The following CFAP54 variants were observed in gnomAD, a reference collection of about 807,000 sequenced individuals.
The protein encoded by CFAP54 is cilia and flagella associated protein 54, also known as cilia- and flagella-associated protein 54.
In CFAP54, 290 loss-of-function variants were observed where a neutral mutation model predicts 370.4. The ratio of observed to expected loss-of-function variants is 0.78; its 90% CI spans 0.71 to 0.86. The LOEUF is 0.86. Ranked by LOEUF, CFAP54 falls within the 40% of genes least tolerant of loss-of-function variation. The pLI, the probability that CFAP54 is intolerant of heterozygous loss-of-function variation, is 0.00. For missense variants in CFAP54, 3,399 were observed against 3,528.7 expected (o/e 0.96, Z 0.93); for synonymous variants, 1,206 against 1,236.5 (o/e 0.98, Z 0.52).
chr12:96,554,989 G>T, intron 17 of CFAP54, 187 bp downstream of exon 17: 3 of 447,758 alleles, frequency 6.7e-6, no homozygotes, highest in South Asian at 7.2e-5. Context: ...TTTACACTTT[G>T]CATATTAAAT....
intron 26 of CFAP54, among the ~76,000 whole-genome samples, chr12:96,611,937 C>T (rs1016548814): frequency 1.2e-4 from 18 of 152,180 alleles, no homozygotes; most frequent in Admixed American, 8.5e-4. Flanking sequence ...CTGAAAGTGA[C>T]GGGGAGAATG....
In CFAP54 at chr12:96,816,507, T is replaced by C. The variant is rs567526805; in HGVS notation, c.8958-1268T>C. On this transcript the variant is annotated intron_variant, in intron 64 of 67. Coordinates refer to ENST00000524981, the MANE Select transcript of CFAP54 (RefSeq NM_001306084.2). ...TACTATATAAATTCAAATCCTCTTATATGTAATTACATTTTTAACTTTTTA... is the reference window on the plus strand; with the variant it reads ...TACTATATAAATTCAAATCCTCTTACATGTAATTACATTTTTAACTTTTTA... Among the ~76,000 whole-genome samples, 11 of 152,372 alleles carry C rather than the reference T, an allele frequency of 7.2e-5. No individual in the cohort carries two copies. In the South Asian group the frequency reaches 2.3e-3, roughly 32 times the overall value.
At position 96,673,515 on chromosome 12, in the gene CFAP54, G is replaced by T. The variant is rs79197379; in HGVS notation, c.5564-6085G>T. 4.7e-3 allele frequency among the ~76,000 whole-genome samples: 717 copies of T among 152,290 alleles called. 4 individuals are homozygous for T. The highest frequency in any genetic ancestry group is 0.016 in the African/African-American group (680 of 41,558). The stretch of plus-strand genomic sequence containing the variant: ...TCATTAAAAGGTTAGCATCCAACTT[G>T]TAGCTCTCTCTAAGATTTTAGGACC... On this transcript the variant is annotated intron_variant, in intron 39 of 67. Transcript: ENST00000524981.
intron 66 of CFAP54, among the ~76,000 whole-genome samples, chr12:96,860,134 A>ATTTTTTTTTTTTTTT (rs137937553): frequency 7.8e-6 from 1 of 127,990 alleles, no homozygotes; most frequent in African/African-American, 2.9e-5. Context: ...TTGTTCTCTA[A>ATTTTTTTTTTTTTTT]TTTTTTTTTT....
At chr12:96,518,544 G>C (rs937317350) in intron 5 of CFAP54, among the ~76,000 whole-genome samples, 1 of 152,138 alleles carries the variant, frequency 6.6e-6, no homozygotes, top group Non-Finnish European at 1.5e-5. Context: ...AAATTAGCCA[G>C]GTGTGGTGGT....
At chr12:96,642,782 C>T (rs925639774) in intron 32 of CFAP54, among the ~76,000 whole-genome samples, 1 of 152,194 alleles carries the variant, frequency 6.6e-6, no homozygotes, top group African/African-American at 2.4e-5. Flanking sequence ...TTGTGGAGCT[C>T]TGTCTCTGTC....
intron 47 of CFAP54, 126 bp from the exon 48 acceptor site, chr12:96,708,482 A>C: frequency 2.8e-6 from 2 of 712,704 alleles, no homozygotes; most frequent in Non-Finnish European, 4.6e-6. Context: ...TCCCATTTAC[A>C]ATACCCCATG....
At chr12:96,661,904 T>A (rs1956998839) in intron 38 of CFAP54, among the ~76,000 whole-genome samples, 1 of 152,174 alleles carries the variant, frequency 6.6e-6, no homozygotes, top group Non-Finnish European at 1.5e-5. Context: ...CAAACAAGCC[T>A]GTTCTGCTAA....
chr12:96,633,383 A>G (rs893558539), intron 32 of CFAP54, among the ~76,000 whole-genome samples: 4 of 152,244 alleles, frequency 2.6e-5, no homozygotes, highest in Non-Finnish European at 4.4e-5. Flanking sequence ...ATAGCTGTAC[A>G]ACTATAGTAC....
intron 50 of CFAP54, among the ~76,000 whole-genome samples, chr12:96,733,431 GAACA>G (rs940792621): frequency 6.6e-6 from 1 of 151,948 alleles, no homozygotes; most frequent in Non-Finnish European, 1.5e-5. Context: ...GATTTTATGA[GAACA>G]AACTGACCAT....
chr12:96,579,691 A>T (rs1010806282), intron 20 of CFAP54, among the ~76,000 whole-genome samples: 2 of 152,096 alleles, frequency 1.3e-5, no homozygotes, highest in African/African-American at 4.8e-5. Context: ...CTTGTTCATA[A>T]TACTACCCCG....
intron 65 of CFAP54, among the ~76,000 whole-genome samples, chr12:96,826,676 TATATA>T (rs1170970181): frequency 1.8e-5 from 2 of 109,042 alleles, no homozygotes; most frequent in Non-Finnish European, 3.3e-5. Flanking sequence ...AAATATATAA[TATATA>T]ATATATTACA....
intron 2 of CFAP54, among the ~76,000 whole-genome samples, chr12:96,503,095 TC>T (rs1955049967): frequency 8.0e-6 from 1 of 124,678 alleles, no homozygotes; most frequent in South Asian, 2.6e-4. Flanking sequence ...TTTCTTTCTT[TC>T]TCTCTCTCTC....
At position 96,648,016 on chromosome 12, in the gene CFAP54, A is replaced by C. The variant is rs750198701; in HGVS notation, c.4689A>C (p.Ser1563=). The C allele has an allele frequency of 3.3e-6, 5 of 1,498,788 alleles. No individual in the cohort carries two copies. Among genetic ancestry groups the C allele is most frequent in the Non-Finnish European group, 4.4e-6 (5 of 1,136,038 alleles). The allele number at this position is 1,498,788 out of a possible 1,614,324, so 92.8% of individuals were successfully genotyped here. Residue 1563 remains serine, a splice_region_variant and synonymous_variant, in exon 34 of 68, where the codon TCA becomes TCC. Transcript: ENST00000524981. ...AAAAAAGAAAGGCCAACTTACCATC[A>C]GGTAAAATAAACATGTTAGTTTATT... is the stretch of plus-strand genomic sequence containing the variant. ...TAKKRKANLP[S]DAEEFSTFIN...
intron 63 of CFAP54, among the ~76,000 whole-genome samples, chr12:96,801,181 T>TG (rs1256165073): frequency 1.3e-5 from 2 of 152,094 alleles, no homozygotes; most frequent in African/African-American, 2.4e-5. Flanking sequence ...ATCCCAGCAT[T>TG]GGGGATTTTG....
At chr12:96,802,471 G>GACT (rs1189286677) in intron 63 of CFAP54, among the ~76,000 whole-genome samples, 2 of 152,070 alleles carry the variant, frequency 1.3e-5, no homozygotes, top group African/African-American at 2.4e-5. Flanking sequence ...TGAGACTGAG[G>GACT]ACTAGTCCAC....
chr12:96,659,297 C>G (rs1956963073), intron 38 of CFAP54, among the ~76,000 whole-genome samples: 1 of 152,086 alleles, frequency 6.6e-6, no homozygotes, highest in Non-Finnish European at 1.5e-5. Context: ...ACACGCCCGG[C>G]TAATTTTTGT....
chr12:96,728,347 C>T (rs138084913), intron 50 of CFAP54, among the ~76,000 whole-genome samples: 2,353 of 152,298 alleles, frequency 0.015, 74 homozygotes, highest in African/African-American at 0.054. Flanking sequence ...TTCACATAGT[C>T]CCATATTTCT....
In CFAP54 at chr12:96,641,463, C is replaced by T. The variant is rs181861254; in HGVS notation, c.4317-2715C>T. Among the ~76,000 whole-genome samples, 715 of 151,984 alleles carry T rather than the reference C, an allele frequency of 4.7e-3. 11 individuals carry two copies. The highest frequency in any genetic ancestry group is 0.016 in the African/African-American group (678 of 41,280). On this transcript the variant is annotated intron_variant, in intron 32 of 67. Coordinates refer to ENST00000524981, the MANE Select transcript of CFAP54 (RefSeq NM_001306084.2). ...GAGAGGATGTGGAGAAATAGGAACA[C>T]TTTTATGCTGTTGGTGGGACTGTAA...
Sources: gnomAD v4.1 joint callset for allele counts (sites outside exome capture counted in the v4.1 genomes callset) on GRCh38, gnomAD v4.1.1 for gene constraint, MANE v1.5 for transcripts, NCBI Gene and HGNC (gene_info 2026-07-23, HGNC 2026-07-21) for gene names.